MYO5B: variants seen among roughly 807,000 people sequenced by gnomAD.
MYO5B encodes the protein unconventional myosin-Vb.
A neutral mutation model predicts 229.3 loss-of-function variants in MYO5B; 143 were observed. The observed-to-expected ratio is 0.62, with a 90% CI of 0.54 to 0.72. The LOEUF (loss-of-function observed/expected upper bound fraction) is 0.72. Among genes scored for constraint, MYO5B ranks in the 30% least tolerant of loss-of-function variants. The pLI, the probability that MYO5B is intolerant of heterozygous loss-of-function variation, is 0.00. For synonymous variants in MYO5B, 918 were observed against 885.2 expected (o/e 1.04, Z -0.66); for missense variants, 2,321 against 2,331.0 (o/e 1.00, Z 0.09).
intron 17 of MYO5B, among the ~76,000 whole-genome samples, chr18:49,913,997 G>C (rs984604232): frequency 6.6e-6 from 1 of 151,300 alleles, no homozygotes; most frequent in Non-Finnish European, 1.5e-5. Flanking sequence ...CATCCATCCC[G>C]CTAAGAGCCA....
At chr18:50,093,043 G>T (rs879465391) in intron 1 of MYO5B, among the ~76,000 whole-genome samples, 2 of 152,020 alleles carry the variant, frequency 1.3e-5, no homozygotes, top group African/African-American at 2.4e-5. Flanking sequence ...TATCAAATCA[G>T]TAAGAAACTA....
intron 1 of MYO5B, among the ~76,000 whole-genome samples, chr18:50,119,442 T>A (rs750586713): frequency 4.6e-5 from 7 of 152,220 alleles, no homozygotes; most frequent in Non-Finnish European, 1.0e-4. Flanking sequence ...ATTCAGAGAT[T>A]GCTGTCACTG....
Position 49,936,346 on chromosome 18 carries a change from G to A in MYO5B, c.1909C>T (p.Arg637Cys), listed in dbSNP as rs1465679673. ...TCCATGAGCAGATGCAGGGAGGTAC[G>A]GAACTAGAGAGACAAAAGCCAGTGC... The part of the protein sequence containing the change: ...EHKKTVGHQF[R>C]TSLHLLMETL... The change falls in exon 16 of 40, where the codon CGT (arginine) becomes TGT (cysteine). Residue 637 changes from arginine (R) to cysteine (C), a missense_variant. Around this residue, in one of 2 missense-constraint regions of MYO5B, gnomAD observed 2,113 missense variants for 2,044.7 expected, o/e 1.03. Transcript: ENST00000285039. 6 of 1,590,908 alleles carry A rather than the reference G, an allele frequency of 3.8e-6. No individual in the cohort carries two copies. Among genetic ancestry groups the A allele is most frequent in the Admixed American group, 1.8e-5 (1 of 56,778 alleles).
chr18:50,020,674 C>G (rs2026264314), intron 4 of MYO5B, among the ~76,000 whole-genome samples: 1 of 152,238 alleles, frequency 6.6e-6, no homozygotes, highest in African/African-American at 2.4e-5. Flanking sequence ...AAGGTGGCAG[C>G]AGCAACCAGG....
At chr18:50,067,386 A>G (rs1206704498) in intron 1 of MYO5B, among the ~76,000 whole-genome samples, 1 of 152,222 alleles carries the variant, frequency 6.6e-6, no homozygotes, top group Non-Finnish European at 1.5e-5. Flanking sequence ...AAACCTGAGC[A>G]GCATGTACAC....
intron 4 of MYO5B, among the ~76,000 whole-genome samples, chr18:50,031,834 G>A (rs970059268): frequency 3.9e-5 from 6 of 152,088 alleles, no homozygotes; most frequent in East Asian, 1.9e-4. Context: ...TTAGTCCCTC[G>A]AAATAATCTT....
At chr18:49,848,037 A>G (rs755613979) in intron 32 of MYO5B, among the ~76,000 whole-genome samples, 1 of 152,258 alleles carries the variant, frequency 6.6e-6, no homozygotes, top group Admixed American at 6.5e-5. Flanking sequence ...ACCATGGTAG[A>G]GGGACAGTGG....
At chr18:49,991,214 A>T (rs1240714541) in intron 6 of MYO5B, among the ~76,000 whole-genome samples, 2 of 152,246 alleles carry the variant, frequency 1.3e-5, no homozygotes, top group African/African-American at 4.8e-5. Flanking sequence ...TGTGAGGTGC[A>T]TATAAAATGC....
chr18:49,893,546 G>A (rs531044586), intron 22 of MYO5B, among the ~76,000 whole-genome samples: 8 of 152,332 alleles, frequency 5.3e-5, no homozygotes, highest in African/African-American at 1.9e-4. Context: ...GTCTCATGGT[G>A]GGCAGGCTGG....
intron 31 of MYO5B, among the ~76,000 whole-genome samples, chr18:49,852,947 G>C (rs1457264313): frequency 6.6e-6 from 1 of 152,070 alleles, no homozygotes; most frequent in Admixed American, 6.6e-5. Context: ...ATAAGACAGG[G>C]GCCCTCTTCC....
chr18:49,925,241 A>G (rs1160314593), intron 17 of MYO5B, among the ~76,000 whole-genome samples: 1 of 152,256 alleles, frequency 6.6e-6, no homozygotes, highest in Non-Finnish European at 1.5e-5. Flanking sequence ...ATCATAACCC[A>G]GACAGTCCTT....
intron 1 of MYO5B, among the ~76,000 whole-genome samples, chr18:50,172,226 A>C (rs969470775): frequency 6.7e-6 from 1 of 148,946 alleles, no homozygotes; most frequent in Admixed American, 6.8e-5. Flanking sequence ...GGCTGCCGTG[A>C]GCCATGATCA....
intron 4 of MYO5B, among the ~76,000 whole-genome samples, chr18:50,006,439 G>T (rs2026101884): frequency 6.6e-6 from 1 of 152,158 alleles, no homozygotes; most frequent in Non-Finnish European, 1.5e-5. Context: ...GGGTCCACAT[G>T]GTCTTCAGAA....
chr18:49,954,464 CT>C, intron 12 of MYO5B, 29 bp from the exon 13 acceptor site: 1 of 1,613,594 alleles, frequency 6.2e-7, no homozygotes, highest in Non-Finnish European at 8.5e-7. Context: ...GGGCAGAGCG[CT>C]TTGTGAAGAG....
intron 18 of MYO5B, 46 bp from the exon 19 acceptor site, chr18:49,906,676 G>C: frequency 2.6e-6 from 4 of 1,513,462 alleles, no homozygotes; most frequent in African/African-American, 1.4e-5. Context: ...AGTGAGCAGA[G>C]AAATAACATG....
chr18:50,077,164 A>C (rs2031099020), intron 1 of MYO5B, among the ~76,000 whole-genome samples: 1 of 87,314 alleles, frequency 1.1e-5, no homozygotes, highest in Admixed American at 1.4e-4. Flanking sequence ...TTATTGTGGC[A>C]AAGTAAAAAA....
chr18:49,899,545 T>G (rs1330434460), intron 21 of MYO5B, among the ~76,000 whole-genome samples: 1 of 152,220 alleles, frequency 6.6e-6, no homozygotes, highest in African/African-American at 2.4e-5. Flanking sequence ...AAATATCTTA[T>G]AGCTTGGTCA....
At chr18:49,984,166 A>G (rs2025845597) in intron 8 of MYO5B, among the ~76,000 whole-genome samples, 1 of 152,194 alleles carries the variant, frequency 6.6e-6, no homozygotes, top group Non-Finnish European at 1.5e-5. Context: ...TCCTCCAGTC[A>G]TACTGTCCCC....
chr18:50,003,009 C>G (rs2026064358), intron 4 of MYO5B, among the ~76,000 whole-genome samples: 1 of 152,054 alleles, frequency 6.6e-6, no homozygotes, highest in African/African-American at 2.4e-5. Context: ...CTGATCAAGG[C>G]TAACAGCTGG....
Sources: gnomAD v4.1 joint callset for allele counts (sites outside exome capture counted in the v4.1 genomes callset) on GRCh38, gnomAD v4.1.1 for gene constraint, gnomAD v4.1.1 regional missense constraint, MANE v1.5 for transcripts, NCBI Gene and HGNC (gene_info 2026-07-23, HGNC 2026-07-21) for gene names.